The following HERC1 variants were observed in gnomAD, a reference collection of about 807,000 sequenced individuals.
The protein encoded by HERC1 is probable E3 ubiquitin-protein ligase HERC1.
A neutral mutation model predicts 554.3 loss-of-function variants in HERC1; 160 were observed. The ratio of observed to expected loss-of-function variants is 0.29; its 90% confidence interval spans 0.25 to 0.33. HERC1 has a LOEUF of 0.33. Among genes scored for constraint, HERC1 ranks in the 10% least tolerant of loss-of-function variants. The pLI, the probability that HERC1 is intolerant of heterozygous loss-of-function variation, is 1.00. For missense variants in HERC1, 4,919 were observed against 5,918.5 expected (o/e 0.83, Z 5.54); for synonymous variants, 2,175 against 2,131.7 (o/e 1.02, Z -0.56).
At chr15:63,714,977 T>C (rs1040103240) in intron 22 of HERC1, among the ~76,000 whole-genome samples, 2 of 152,202 alleles carry the variant, frequency 1.3e-5, no homozygotes, top group Non-Finnish European at 2.9e-5. Flanking sequence ...ATATTTTTGT[T>C]ATGCTATTAA....
At chr15:63,631,069 G>A (rs571677325) in intron 68 of HERC1, among the ~76,000 whole-genome samples, 1 of 152,144 alleles carries the variant, frequency 6.6e-6, no homozygotes, top group Admixed American at 6.5e-5. Flanking sequence ...GCCTCAACCT[G>A]TCGGGTTTAA....
intron 2 of HERC1, among the ~76,000 whole-genome samples, chr15:63,769,814 C>A (rs2075895107): frequency 6.6e-6 from 1 of 152,112 alleles, no homozygotes; most frequent in Non-Finnish European, 1.5e-5. Context: ...CAAGATTATG[C>A]CACTGCACTC....
chr15:63,784,689 C>T (rs1410691830), intron 1 of HERC1, among the ~76,000 whole-genome samples: 2 of 152,066 alleles, frequency 1.3e-5, no homozygotes, highest in Admixed American at 6.5e-5. Context: ...CTCACTGCAA[C>T]CTCCGCCTCC....
chr15:63,827,383 C>G (rs1196400181), intron 1 of HERC1, among the ~76,000 whole-genome samples: 2 of 151,674 alleles, frequency 1.3e-5, no homozygotes, highest in Non-Finnish European at 2.9e-5. Flanking sequence ...ATGATTGTAC[C>G]ACTGCACTCC....
rs769067612 is a variant in HERC1, at chr15:63,723,352, T to G, written c.3572A>C (p.Lys1191Thr). The G allele has an allele frequency of 3.9e-6, 6 of 1,543,596 alleles. No homozygotes were observed. The highest frequency in any genetic ancestry group is 5.3e-6 in the Non-Finnish European group (6 of 1,142,170). The change falls in exon 19 of 78, where the codon AAA becomes ACA. Residue 1191 changes from lysine to threonine, a missense_variant. This residue lies in a region of HERC1 where 1,121 missense variants were observed against 1,244.0 expected (regional missense o/e 0.90). Coordinates refer to ENST00000443617, the MANE Select transcript of HERC1 (RefSeq NM_003922.4). Reference protein sequence around the residue: ...GVEMDTPQLDKCMSCLLEVAL... With the variant: ...GVEMDTPQLDTCMSCLLEVAL... ...TACTTCTAACAGGCAACTCATACAT[T>G]TATCTAAAAAAAATACTCACGTTAC...
chr15:63,806,391 C>G (rs1398461758), intron 1 of HERC1, among the ~76,000 whole-genome samples: 1 of 151,968 alleles, frequency 6.6e-6, no homozygotes. Flanking sequence ...TGTAATCACC[C>G]TACGCTCACC....
chr15:63,613,101 G>A (rs912780721), intron 76 of HERC1, among the ~76,000 whole-genome samples: 3 of 152,192 alleles, frequency 2.0e-5, no homozygotes, highest in African/African-American at 7.2e-5. Context: ...TCCTTCTTTA[G>A]GAAGGCAATA....
At chr15:63,742,765 ATT>A (rs2074862477) in intron 12 of HERC1, among the ~76,000 whole-genome samples, 1 of 152,122 alleles carries the variant, frequency 6.6e-6, no homozygotes, top group Non-Finnish European at 1.5e-5. Context: ...GGTGTATTAT[ATT>A]GATTGATTTT....
Position 63,815,323 on chromosome 15 carries a change from CA to C in HERC1, c.-27+18503del, listed in dbSNP as rs1353418628. On this transcript the variant is annotated intron_variant, in intron 1 of 77. Transcript: ENST00000443617. ...ATACTATGCACATGAAACCTGAAGC[CA>C]GGCTACCTAGGTTTAGATCCTGGCT... is the stretch of plus-strand genomic sequence containing the variant. Among the ~76,000 whole-genome samples, 4 of 152,172 alleles carry C rather than the reference CA, an allele frequency of 2.6e-5. No individual in the cohort carries two copies. The East Asian group carries it at 7.7e-4, about 29-fold the overall frequency.
At chr15:63,616,917 A>G (rs1235348631) in intron 74 of HERC1, among the ~76,000 whole-genome samples, 1 of 152,150 alleles carries the variant, frequency 6.6e-6, no homozygotes, top group Non-Finnish European at 1.5e-5. Flanking sequence ...CACACAGCAC[A>G]TGGACTATAT....
chr15:63,623,466 A>ATG, intron 73 of HERC1, among the ~76,000 whole-genome samples: 1 of 152,232 alleles, frequency 6.6e-6, no homozygotes, highest in African/African-American at 2.4e-5. Flanking sequence ...TATTCTGCCA[A>ATG]TATTATAACA....
intron 53 of HERC1, 145 bp from the exon 54 acceptor site, chr15:63,650,070 C>T: frequency 3.2e-6 from 2 of 626,218 alleles, no homozygotes; most frequent in South Asian, 2.0e-5. Context: ...ACCATGAAGG[C>T]AGGATCCTTC....
chr15:63,665,389 C>A (rs544245952), intron 42 of HERC1, among the ~76,000 whole-genome samples: 2 of 151,994 alleles, frequency 1.3e-5, no homozygotes, highest in African/African-American at 4.8e-5. Context: ...AAAAATGAGC[C>A]GGGCATGGTG....
intron 55 of HERC1, among the ~76,000 whole-genome samples, chr15:63,647,677 A>C (rs144095244): frequency 3.9e-5 from 6 of 152,244 alleles, no homozygotes; most frequent in African/African-American, 1.4e-4. Flanking sequence ...CCATAAAAAG[A>C]ATGAAATCAG....
chr15:63,634,855 T>C lies in HERC1; in HGVS notation c.12448A>G (p.Thr4150Ala). The C allele has an allele frequency of 6.2e-7, 1 of 1,613,710 alleles. No individual in the cohort carries two copies. Among genetic ancestry groups the C allele is most frequent in the Non-Finnish European group, 8.5e-7 (1 of 1,179,770 alleles). The change falls in exon 66 of 78, where the codon ACT becomes GCT. Residue 4150 changes from threonine to alanine, a missense_variant. Thr to Ala is a moderately conservative substitution (Grantham distance 58). This residue lies in a region of HERC1 where 410 missense variants were observed against 467.0 expected (regional missense o/e 0.88). Transcript: ENST00000443617. The part of the protein sequence containing the change: ...SCGFKHSAVV[T>A]SDGKLFTFGN... ...AAGGTGAACAGTTTGCCATCTGAAG[T>C]GACCACTGCTGAGTGCTTGAAGCCA...
chr15:63,728,073 T>C (rs1310707371), intron 16 of HERC1, among the ~76,000 whole-genome samples: 2 of 152,182 alleles, frequency 1.3e-5, no homozygotes, highest in Non-Finnish European at 2.9e-5. Flanking sequence ...ATTCAAAGGA[T>C]TAAAACTGTT....
intron 71 of HERC1, among the ~76,000 whole-genome samples, chr15:63,625,355 T>C (rs1469741826): frequency 6.6e-6 from 1 of 152,216 alleles, no homozygotes; most frequent in Non-Finnish European, 1.5e-5. Flanking sequence ...TTTAAAATCA[T>C]ATTTTAGACT....
chr15:63,824,535 A>AC (rs1165280322), intron 1 of HERC1, among the ~76,000 whole-genome samples: 2 of 149,650 alleles, frequency 1.3e-5, no homozygotes, highest in Admixed American at 1.3e-4. Context: ...CTCCATCTCA[A>AC]AAAAAAAAAA....
chr15:63,665,960 T>C lies in HERC1; in HGVS notation c.8514A>G (p.Pro2838=), dbSNP rs1182916989. The change falls in exon 42 of 78, where the codon CCA becomes CCG. Residue 2838 remains proline (P), a synonymous_variant. Coordinates refer to ENST00000443617, the MANE Select transcript of HERC1 (RefSeq NM_003922.4). ...CCTCCATTTCAGCAGCATCAGCTGA[T>C]GGTATGTCTCCAGGTGACTGCAAAT... The part of the protein sequence containing the change: ...PCYLQSPGDI[P]SADAAEMEEG... 1.2e-6 allele frequency: 2 copies of C among 1,613,870 alleles called. No individual in the cohort carries two copies. Among genetic ancestry groups the C allele is most frequent in the African/African-American group, 1.3e-5 (1 of 74,936 alleles).
Sources: allele counts gnomAD v4.1 joint callset (sites outside exome capture counted in the v4.1 genomes callset), GRCh38; gene constraint gnomAD v4.1.1; regional missense constraint gnomAD v4.1.1; transcripts MANE v1.5; gene names NCBI Gene and HGNC (gene_info 2026-07-23, HGNC 2026-07-21).